The following DPP10 variants were observed in gnomAD, a reference collection of about 807,000 sequenced individuals.
DPP10 encodes the protein inactive dipeptidyl peptidase 10.
DPP10 carries 33 observed loss-of-function variants against 120.9 expected under a neutral mutation model. The observed-to-expected ratio is 0.27, with a 90% CI of 0.21 to 0.37. DPP10 has a LOEUF of 0.37. DPP10 is among the 10% of genes least tolerant of loss of function. The probability of loss-of-function intolerance (pLI) is 1.00; values close to 1 mark genes in which losing one functional copy is unlikely to be tolerated. For synonymous variants in DPP10, 337 were observed against 326.1 expected (o/e 1.03, Z -0.36); for missense variants, 816 against 942.8 (o/e 0.87, Z 1.76).
intron 3 of DPP10, among the ~76,000 whole-genome samples, chr2:115,484,471 A>G (rs2421103): frequency 0.01 from 1,577 of 152,210 alleles, 34 homozygotes; most frequent in African/African-American, 0.036. Context: ...ATTGCATACC[A>G]CTAATGTACA....
At chr2:115,776,882 A>T (rs1682170193) in intron 13 of DPP10, among the ~76,000 whole-genome samples, 2 of 151,826 alleles carry the variant, frequency 1.3e-5, no homozygotes, top group South Asian at 4.1e-4. Context: ...TTTAAAGCTA[A>T]CTGTACAGCT....
At chr2:114,681,395 T>C (rs539742869) in intron 1 of DPP10, among the ~76,000 whole-genome samples, 163 of 152,116 alleles carry the variant, frequency 1.1e-3, no homozygotes, top group Admixed American at 2.3e-3. Context: ...TGATAAAGTT[T>C]CCTCCTTCTC....
intron 1 of DPP10, among the ~76,000 whole-genome samples, chr2:115,208,965 G>A (rs1183616471): frequency 6.6e-6 from 1 of 152,112 alleles, no homozygotes; most frequent in Non-Finnish European, 1.5e-5. Flanking sequence ...TTTGAAATTG[G>A]CTTTGTGTGT....
chr2:114,731,885 T>G (rs571015543), intron 1 of DPP10, among the ~76,000 whole-genome samples: 1 of 152,118 alleles, frequency 6.6e-6, no homozygotes, highest in African/African-American at 2.4e-5. Flanking sequence ...TTAGGAGTGA[T>G]CACTACAGCC....
intron 1 of DPP10, among the ~76,000 whole-genome samples, chr2:115,124,948 C>T (rs530352211): frequency 6.6e-6 from 1 of 152,260 alleles, no homozygotes; most frequent in South Asian, 2.1e-4. Flanking sequence ...CCAGGGACAC[C>T]TTAGAGATAA....
At chr2:115,202,132 T>A (rs542107076) in intron 1 of DPP10, among the ~76,000 whole-genome samples, 1 of 152,288 alleles carries the variant, frequency 6.6e-6, no homozygotes, top group East Asian at 1.9e-4. Flanking sequence ...TCTTGCTGTG[T>A]TTTCCATGGT....
chr2:115,265,305 A>G (rs1339653555), intron 1 of DPP10, among the ~76,000 whole-genome samples: 1 of 150,870 alleles, frequency 6.6e-6, no homozygotes, highest in African/African-American at 2.4e-5. Context: ...ACACATACAT[A>G]TATATATGAT....
chr2:114,839,391 TA>T (rs1687983468), intron 1 of DPP10, among the ~76,000 whole-genome samples: 1 of 152,218 alleles, frequency 6.6e-6, no homozygotes, highest in Non-Finnish European at 1.5e-5. Flanking sequence ...TAAGGAAGAC[TA>T]TTTCCAGGAG....
At position 115,744,003 on chromosome 2, in the gene DPP10, C is replaced by T. The variant is rs192740141; in HGVS notation, c.853-2083C>T. 1.6e-3 allele frequency among the ~76,000 whole-genome samples: 245 copies of T among 150,648 alleles called. 12 individuals are homozygous for T. Among genetic ancestry groups the T allele is most frequent in the Middle Eastern group, 6.8e-3 (2 of 294 alleles). ...ATTGCGATGCTGTCTAACTTTTGAC[C>T]ACCACTGAGCTGTTACATAGATAGA... is the stretch of plus-strand genomic sequence containing the variant. On this transcript the variant is annotated intron_variant, in intron 9 of 25. Transcript: ENST00000410059.
intron 5 of DPP10, among the ~76,000 whole-genome samples, chr2:115,619,068 A>T (rs1181278915): frequency 1.3e-5 from 1 of 79,402 alleles, no homozygotes; most frequent in South Asian, 3.6e-4. Flanking sequence ...CTGTGGTGCA[A>T]CACTGCCAAA....
At chr2:115,440,496 A>G (rs2071929740) in intron 3 of DPP10, among the ~76,000 whole-genome samples, 2 of 152,162 alleles carry the variant, frequency 1.3e-5, no homozygotes. Context: ...GTTGTACCCA[A>G]GCGAGTTAGT....
chr2:114,504,817 G>T (rs1208650173), intron 1 of DPP10, among the ~76,000 whole-genome samples: 1 of 152,084 alleles, frequency 6.6e-6, no homozygotes, highest in Non-Finnish European at 1.5e-5. Flanking sequence ...GCTTTGGGAG[G>T]CTGAGGCAGG....
At chr2:115,799,777 T>A (rs1684967708) in intron 19 of DPP10, among the ~76,000 whole-genome samples, 2 of 151,984 alleles carry the variant, frequency 1.3e-5, no homozygotes, top group East Asian at 1.9e-4. Context: ...CCATTTTTTA[T>A]GGCTGCATAG....
At position 115,133,312 on chromosome 2, in the gene DPP10, A is replaced by C. The variant is rs894763785; in HGVS notation, c.61-175927A>C. Among the ~76,000 whole-genome samples, 56 of 151,200 alleles carry C rather than the reference A, an allele frequency of 3.7e-4. 1 individual carries two copies. The highest frequency in any genetic ancestry group is 4.2e-4 in the South Asian group (2 of 4,794). ...AACTCCGTCTAAAACAAAAAGCAAA[A>C]AACAACAACAACAATAACAAAAACA... On this transcript the variant is annotated intron_variant, in intron 1 of 25. Transcript: ENST00000410059.
intron 2 of DPP10, among the ~76,000 whole-genome samples, chr2:115,331,971 G>A (rs1031282744): frequency 2.6e-5 from 4 of 151,960 alleles, no homozygotes; most frequent in African/African-American, 4.8e-5. Context: ...CTCTTTTTCT[G>A]TTGATTGGAA....
intron 2 of DPP10, among the ~76,000 whole-genome samples, chr2:115,310,100 C>A (rs1458679810): frequency 6.6e-6 from 1 of 152,102 alleles, no homozygotes; most frequent in African/African-American, 2.4e-5. Flanking sequence ...GCAGTTGCTG[C>A]AACCCACCCA....
chr2:114,668,898 T>C (rs1698131714), intron 1 of DPP10, among the ~76,000 whole-genome samples: 1 of 152,152 alleles, frequency 6.6e-6, no homozygotes, highest in African/African-American at 2.4e-5. Context: ...TTTACATACA[T>C]GTAATGAATC....
chr2:115,603,122 C>CTGTGTGTGTG (rs61161169), intron 5 of DPP10, among the ~76,000 whole-genome samples: 4 of 143,904 alleles, frequency 2.8e-5, no homozygotes, highest in Non-Finnish European at 4.6e-5. Context: ...ATAAATAAAA[C>CTGTGTGTGTG]TGTGTGTGTG....
At chr2:114,658,380 A>T (rs1697123453) in intron 1 of DPP10, among the ~76,000 whole-genome samples, 1 of 152,208 alleles carries the variant, frequency 6.6e-6, no homozygotes, top group Non-Finnish European at 1.5e-5. Flanking sequence ...ATAGGAGATT[A>T]ATGAGAAAGA....
Sources: gnomAD v4.1 joint callset for allele counts (sites outside exome capture counted in the v4.1 genomes callset) on GRCh38, gnomAD v4.1.1 for gene constraint, MANE v1.5 for transcripts, NCBI Gene and HGNC (gene_info 2026-07-23, HGNC 2026-07-21) for gene names.